KCNH6: variants seen among roughly 807,000 people sequenced by gnomAD.
The protein encoded by KCNH6 is potassium voltage-gated channel subfamily H member 6.
Under a neutral mutation model 83.4 loss-of-function variants are expected in KCNH6, and 81 were observed. The ratio of observed to expected loss-of-function variants is 0.97; its 90% CI spans 0.81 to 1.17. The LOEUF (loss-of-function observed/expected upper bound fraction) is 1.17. Among genes scored for constraint, KCNH6 ranks in the 50% most tolerant of loss-of-function variants. The pLI is 0.00. For synonymous variants in KCNH6, 503 were observed against 545.6 expected (o/e 0.92, Z 1.09); for missense variants, 1,203 against 1,290.5 (o/e 0.93, Z 1.04).
intron 6 of KCNH6, among the ~76,000 whole-genome samples, chr17:63,536,599 G>C (rs553245861): frequency 6.6e-6 from 1 of 151,294 alleles, no homozygotes; most frequent in East Asian, 2.0e-4. Context: ...AGCCAAGATC[G>C]TGCCACTGCA....
At chr17:63,547,728 T>C (rs2033176670), downstream of KCNH6, among the ~76,000 whole-genome samples, 1 of 151,872 alleles carries the variant, frequency 6.6e-6, no homozygotes, top group Non-Finnish European at 1.5e-5. Flanking sequence ...GGCTGGAAGA[T>C]TGCTTGAGCC....
intron 8 of KCNH6, among the ~76,000 whole-genome samples, chr17:63,539,602 C>T (rs369996046): frequency 6.6e-6 from 1 of 152,366 alleles, no homozygotes; most frequent in Non-Finnish European, 1.5e-5. Context: ...ATCCCCATCA[C>T]TGTGAAGCAT....
At chr17:63,544,511 G>T in intron 11 of KCNH6, 100 bp downstream of exon 11, 1 of 1,084,836 alleles carries the variant, frequency 9.2e-7, no homozygotes, top group Non-Finnish European at 1.2e-6. Flanking sequence ...GAATGGGGCA[G>T]GCCATTTAGC....
At position 63,538,799 on chromosome 17, in the gene KCNH6, C is replaced by T. The variant is rs1234218235; in HGVS notation, c.1954+137C>T. On this transcript the variant is annotated intron_variant, in intron 8 of 12. Coordinates refer to ENST00000314672, the MANE Select transcript of KCNH6 (RefSeq NM_001278919.2). The surrounding 1 kb of genome is among the most constrained non-coding windows in gnomAD (Gnocchi z 4.0). Reference sequence around the variant, plus strand: ...GGCAGCCACTTGCACAGCATGTGCCCGGGAGAGCTTTAGACCCAGCTGGCT... The same window carrying T: ...GGCAGCCACTTGCACAGCATGTGCCTGGGAGAGCTTTAGACCCAGCTGGCT... The T allele has an allele frequency of 8.8e-6, 8 of 905,932 alleles. No homozygotes were observed. The highest frequency in any genetic ancestry group is 7.7e-5 in the South Asian group (4 of 51,672). 56.1% of individuals were successfully genotyped at this position (905,932 alleles called of 1,614,324 possible). A position where few individuals can be genotyped will look rare whatever the true frequency, so the allele number is the denominator to read the frequency against.
At chr17:63,532,199 C>G (rs1341280460) in intron 4 of KCNH6, among the ~76,000 whole-genome samples, 2 of 152,212 alleles carry the variant, frequency 1.3e-5, no homozygotes, top group Admixed American at 6.5e-5. Context: ...CCCACCATTC[C>G]TTCTGTCTCC....
At position 63,532,191 on chromosome 17, in the gene KCNH6, C is replaced by T. The variant is rs376008365; in HGVS notation, c.675+1649C>T. ...TCTCAGCCTACTTTAAACCACCCCC[C>T]ACCATTCCTTCTGTCTCCCTCCCAC... On this transcript the variant is annotated intron_variant, in intron 4 of 12. Coordinates refer to ENST00000314672, the MANE Select transcript of KCNH6 (RefSeq NM_001278919.2). 6.8e-4 allele frequency among the ~76,000 whole-genome samples: 103 copies of T among 152,334 alleles called. 2 individuals carry two copies. The South Asian group carries it at 0.021, about 31-fold the overall frequency.
Position 63,545,223 on chromosome 17 carries a change from C to A in KCNH6, c.2542C>A (p.Pro848Thr), listed in dbSNP as rs1381648754. 2.5e-6 allele frequency: 4 copies of A among 1,613,580 alleles called. No individual in the cohort carries two copies. The highest frequency in any genetic ancestry group is 1.6e-4 in the Middle Eastern group (1 of 6,082). Residue 848 changes from proline to threonine, a missense_variant, in exon 12 of 13, where the codon CCA (proline) becomes ACA (threonine). Pro to Thr is a conservative substitution (Grantham distance 38). Coordinates refer to ENST00000314672, the MANE Select transcript of KCNH6 (RefSeq NM_001278919.2). ...LVPIASETTS[P>T]GPRLPQGFLP... The stretch of plus-strand genomic sequence containing the variant: ...TCCTATAGCCTCGGAGACGACGAGT[C>A]CAGGGCCCAGGCTGCCCCAGGGCTT...
Position 63,533,941 on chromosome 17 carries a change from T to G in KCNH6, c.731T>G (p.Ile244Ser), listed in dbSNP as rs757021207. ...LPEYKLQAPR[I>S]HRWTILHYSP... Reference sequence around the variant, plus strand: ...GAGTACAAGCTGCAGGCGCCGCGCATCCACCGCTGGACCATCCTGCACTAC... The same window carrying G: ...GAGTACAAGCTGCAGGCGCCGCGCAGCCACCGCTGGACCATCCTGCACTAC... Residue 244 changes from isoleucine to serine, a missense_variant, in exon 5 of 13, where the codon ATC becomes AGC. Transcript: ENST00000314672. The surrounding 1 kb of genome is among the most constrained non-coding windows in gnomAD (Gnocchi z 4.1). 2.5e-6 allele frequency: 4 copies of G among 1,613,924 alleles called. No homozygotes were observed. Among genetic ancestry groups the G allele is most frequent in the Non-Finnish European group, 3.4e-6 (4 of 1,179,988 alleles).
In KCNH6 at chr17:63,530,252, G is replaced by A. The variant is rs200862308; in HGVS notation, c.469G>A (p.Glu157Lys). ...GTTGTCCCAGAGCTTCCTGGGCTCC[G>A]GTGAGGCAGAGTGAGGGTGGTGGTG... ...RLLSQSFLGS[E>K]GSHGRPGGPG... is the part of the protein sequence containing the mutation. The change falls in exon 3 of 13, where the codon GAG (glutamate) becomes AAG (lysine). Residue 157 changes from glutamate (E) to lysine (K), a missense_variant and splice_region_variant. Physicochemically the swap from Glu to Lys is moderately conservative, Grantham distance 56. Coordinates refer to ENST00000314672, the MANE Select transcript of KCNH6 (RefSeq NM_001278919.2). 1.1e-5 allele frequency: 18 copies of A among 1,614,006 alleles called. No homozygotes were observed. Among genetic ancestry groups the A allele is most frequent in the Admixed American group, 8.3e-5 (5 of 60,020 alleles).
chr17:63,545,530 C>T (rs969259016), intron 12 of KCNH6, 79 bp from the exon 13 acceptor site: 3 of 1,460,942 alleles, frequency 2.1e-6, no homozygotes, highest in Non-Finnish European at 2.8e-6. Context: ...ACAATTTTTG[C>T]CTGATCCCAT....
Position 63,545,737 on chromosome 17 carries a change from GC to G in KCNH6, c.2713del (p.Leu905SerfsTer5). ...PSSEQEQPEG[L>X]WPPLASPLHP... ...CCTCAGAACAGGAACAGCCTGAGGG[GC>G]TCTGGCCACCCCTAGCCTCACCTCT... On this transcript the variant is annotated frameshift_variant, in exon 13 of 13. Coordinates refer to ENST00000314672, the MANE Select transcript of KCNH6 (RefSeq NM_001278919.2). LOFTEE classifies it high-confidence loss of function. The G allele has an allele frequency of 6.2e-7, 1 of 1,614,088 alleles. No homozygotes were observed. The highest frequency in any genetic ancestry group is 8.5e-7 in the Non-Finnish European group (1 of 1,180,014).
chr17:63,529,019 C>A (rs1489774760), intron 2 of KCNH6, among the ~76,000 whole-genome samples: 1 of 152,060 alleles, frequency 6.6e-6, no homozygotes, highest in African/African-American at 2.4e-5. Flanking sequence ...ATTTTTAGTA[C>A]AGACGGGGTT....
chr17:63,528,128 C>T (rs1283483696), intron 2 of KCNH6, among the ~76,000 whole-genome samples: 1 of 152,118 alleles, frequency 6.6e-6, no homozygotes, highest in Non-Finnish European at 1.5e-5. Flanking sequence ...GGACAGATCT[C>T]TGCAGTGCCA....
chr17:63,534,493 C>T lies in KCNH6; in HGVS notation c.1101+182C>T, dbSNP rs1258006507. Among the ~76,000 whole-genome samples the T allele has an allele frequency of 6.6e-6, 1 of 152,148 alleles. No homozygotes were observed. The highest frequency in any genetic ancestry group is 1.5e-5 in the Non-Finnish European group (1 of 68,004). Reference sequence around the variant, plus strand: ...CCTCCCAGCCCTGGAGAAGGACCTGCCAAGGCTGCACCCCCAGGCCTCTGT... The same window carrying T: ...CCTCCCAGCCCTGGAGAAGGACCTGTCAAGGCTGCACCCCCAGGCCTCTGT... On this transcript the variant is annotated intron_variant, in intron 5 of 12. Transcript: ENST00000314672. This position sits in a 1 kb window ranked among gnomAD's most constrained non-coding sequence, Gnocchi z 5.0.
In KCNH6 at chr17:63,530,182, C is replaced by A. The variant is rs780804161; in HGVS notation, c.399C>A (p.Ala133=). The A allele has an allele frequency of 6.2e-7, 1 of 1,614,190 alleles. No homozygotes were observed. The highest frequency in any genetic ancestry group is 1.1e-5 in the South Asian group (1 of 91,088). ...IMFILNFEDL[A]QLLAKCSSRS... is the part of the protein sequence containing the mutation. ...TCATTCTCAACTTCGAGGACCTGGC[C>A]CAGCTCCTGGCCAAGTGCAGCAGCC... The change falls in exon 3 of 13, where the codon GCC becomes GCA. Residue 133 remains alanine, a synonymous_variant. Coordinates refer to ENST00000314672, the MANE Select transcript of KCNH6 (RefSeq NM_001278919.2).
rs764269639 is a variant in KCNH6, at chr17:63,523,512, G to A, written c.76+23G>A. 170 of 1,586,896 alleles carry A rather than the reference G, an allele frequency of 1.1e-4. No individual in the cohort carries two copies. The highest frequency in any genetic ancestry group is 2.6e-4 in the Admixed American group (15 of 58,098). ...AAAGTGAGTGTGTGTATGTTGGGGC[G>A]GGGGGACGATCTGGAGTCCTGGTTC... On this transcript the variant is annotated intron_variant, in intron 1 of 12. Transcript: ENST00000314672. This position sits in a 1 kb window ranked among gnomAD's most constrained non-coding sequence, Gnocchi z 4.2.
rs771497152 is a variant in KCNH6, at chr17:63,535,721, G to A, written c.1154G>A (p.Arg385His). Residue 385 changes from arginine (R) to histidine (H), a missense_variant, in exon 6 of 13, where the codon CGC becomes CAC. By Grantham distance (29) the Arg-to-His change is conservative (BLOSUM62 0). Coordinates refer to ENST00000314672, the MANE Select transcript of KCNH6 (RefSeq NM_001278919.2). The surrounding 1 kb of genome is among the most constrained non-coding windows in gnomAD (Gnocchi z 4.9). ...ACAGCGCGGCTGCTGCGGCTGGTGCGCGTAGCACGGAAGCTGGACCGCTAC... is the reference window on the plus strand; with the variant it reads ...ACAGCGCGGCTGCTGCGGCTGGTGCACGTAGCACGGAAGCTGGACCGCTAC... ...LKTARLLRLV[R>H]VARKLDRYSE... 44 of 1,613,080 alleles carry A rather than the reference G, an allele frequency of 2.7e-5. No individual in the cohort carries two copies. Among genetic ancestry groups the A allele is most frequent in the South Asian group, 1.1e-4 (10 of 91,058 alleles).
At chr17:63,525,152 A>G (rs1362966177) in intron 2 of KCNH6, among the ~76,000 whole-genome samples, 1 of 152,200 alleles carries the variant, frequency 6.6e-6, no homozygotes, top group East Asian at 1.9e-4. Context: ...AGAGAGGCTG[A>G]CTCAGAAGGT....
At chr17:63,526,879 G>A (rs1007640590) in intron 2 of KCNH6, among the ~76,000 whole-genome samples, 1 of 152,142 alleles carries the variant, frequency 6.6e-6, no homozygotes, top group Non-Finnish European at 1.5e-5. Flanking sequence ...AAATACCCCG[G>A]GAGACATCTC....
Sources: gnomAD v4.1 joint callset for allele counts (sites outside exome capture counted in the v4.1 genomes callset) on GRCh38, gnomAD v4.1.1 for gene constraint, Gnocchi (gnomAD v3.1) non-coding constraint, MANE v1.5 for transcripts, NCBI Gene and HGNC (gene_info 2026-07-23, HGNC 2026-07-21) for gene names.